STXBP6: variants seen among roughly 807,000 people sequenced by gnomAD.
STXBP6 encodes syntaxin-binding protein 6.
A neutral mutation model predicts 26.9 loss-of-function variants in STXBP6; 21 were observed. That is an observed-to-expected ratio of 0.78 (90% confidence interval 0.55 to 1.12). The LOEUF is 1.12. Ranked by LOEUF, STXBP6 falls within the 50% of genes most tolerant of loss-of-function variation. The probability of loss-of-function intolerance (pLI) is 0.00; values close to 1 mark genes in which losing one functional copy is unlikely to be tolerated. For missense variants in STXBP6, 232 were observed against 257.9 expected (o/e 0.90, Z 0.69); for synonymous variants, 97 against 92.6 (o/e 1.05, Z -0.27).
rs576381057 is a variant in STXBP6 at position 24,976,927 on chromosome 14, A to G, written c.-32-2077T>C. Among the ~76,000 whole-genome samples, 13 of 135,018 alleles carry G rather than the reference A, an allele frequency of 9.6e-5. No individual in the cohort carries two copies. In the South Asian group the frequency reaches 2.9e-3, roughly 30 times the overall value. The allele number at this position is 135,018 out of a possible 152,430, so 88.6% of individuals were successfully genotyped here. ...ACCCAGGCTGGAGTGCAGTGGTACA[A>G]TCTTGACTCACTGCAACCTCCACTT... On this transcript the variant is annotated intron_variant, in intron 1 of 5. Coordinates refer to ENST00000323944, the MANE Select transcript of STXBP6 (RefSeq NM_001394410.1).
chr14:25,009,390 T>C (rs1163875591), intron 1 of STXBP6, among the ~76,000 whole-genome samples: 3 of 152,192 alleles, frequency 2.0e-5, no homozygotes, highest in Non-Finnish European at 2.9e-5. Context: ...ATTTTCCTAC[T>C]TGCATCTCAA....
chr14:24,846,903 A>C (rs925918352), intron 4 of STXBP6, among the ~76,000 whole-genome samples: 1 of 152,188 alleles, frequency 6.6e-6, no homozygotes, highest in Admixed American at 6.5e-5. Context: ...TAATGTGAAC[A>C]AAAAAGACCA....
At chr14:24,981,011 A>G (rs1251978428) in intron 1 of STXBP6, among the ~76,000 whole-genome samples, 2 of 152,198 alleles carry the variant, frequency 1.3e-5, no homozygotes, top group East Asian at 3.8e-4. Context: ...CTGCTATACA[A>G]CCAGGTCCAG....
chr14:24,909,606 C>A (rs751095062), intron 2 of STXBP6, among the ~76,000 whole-genome samples: 2 of 151,836 alleles, frequency 1.3e-5, no homozygotes, highest in Non-Finnish European at 2.9e-5. Flanking sequence ...CATGGTGAAA[C>A]CCCAACTGTA....
chr14:24,900,547 T>A (rs1448455781), intron 2 of STXBP6, among the ~76,000 whole-genome samples: 2 of 152,210 alleles, frequency 1.3e-5, no homozygotes, highest in Non-Finnish European at 2.9e-5. Flanking sequence ...CAGATCTCTG[T>A]TGGGAGAGAA....
chr14:24,979,433 G>A (rs1566530559), intron 1 of STXBP6, among the ~76,000 whole-genome samples: 1 of 152,180 alleles, frequency 6.6e-6, no homozygotes, highest in Non-Finnish European at 1.5e-5. Flanking sequence ...ACTCTGGGGG[G>A]AAAATCAGCT....
chr14:24,877,870 C>A (rs1340383858), intron 2 of STXBP6, among the ~76,000 whole-genome samples: 1 of 152,162 alleles, frequency 6.6e-6, no homozygotes, highest in Non-Finnish European at 1.5e-5. Context: ...ATCTTGCACT[C>A]CCACCAGAAA....
chr14:24,870,180 A>T (rs2069876166), intron 2 of STXBP6, among the ~76,000 whole-genome samples: 1 of 152,098 alleles, frequency 6.6e-6, no homozygotes, highest in South Asian at 2.1e-4. Flanking sequence ...GTTTACTTTG[A>T]CTGGAATTTG....
At chr14:24,962,766 C>G (rs2140131334) in intron 2 of STXBP6, among the ~76,000 whole-genome samples, 1 of 152,200 alleles carries the variant, frequency 6.6e-6, no homozygotes, top group East Asian at 1.9e-4. Context: ...CATCCTACCA[C>G]TCACTAGCAG....
chr14:24,958,156 A>G (rs1017845093), intron 2 of STXBP6, among the ~76,000 whole-genome samples: 14 of 152,210 alleles, frequency 9.2e-5, no homozygotes, highest in African/African-American at 3.4e-4. Flanking sequence ...TTAGGCTAAA[A>G]ATAGAATAAT....
intron 1 of STXBP6, among the ~76,000 whole-genome samples, chr14:25,015,200 A>C (rs930317256): frequency 2.0e-5 from 3 of 152,186 alleles, no homozygotes; most frequent in African/African-American, 4.8e-5. Context: ...TTTTCTCTAC[A>C]AAATAAAAGA....
chr14:25,018,974 C>T (rs2075210939), intron 1 of STXBP6, among the ~76,000 whole-genome samples: 1 of 152,156 alleles, frequency 6.6e-6, no homozygotes, highest in South Asian at 2.1e-4. Context: ...TAACTCAATT[C>T]CTTTCTGCTC....
intron 1 of STXBP6, among the ~76,000 whole-genome samples, chr14:25,007,473 CCCA>C (rs2140360545): frequency 6.6e-6 from 1 of 152,222 alleles, no homozygotes; most frequent in South Asian, 2.1e-4. Flanking sequence ...AGTACAAGAC[CCCA>C]GGTCCTGACA....
chr14:24,846,421 C>A (rs2068963656), intron 4 of STXBP6, among the ~76,000 whole-genome samples: 1 of 152,080 alleles, frequency 6.6e-6, no homozygotes, highest in South Asian at 2.1e-4. Flanking sequence ...TTGAGATCTC[C>A]ATCTCAAATT....
At chr14:24,963,544 G>C (rs929970795) in intron 2 of STXBP6, among the ~76,000 whole-genome samples, 1 of 152,210 alleles carries the variant, frequency 6.6e-6, no homozygotes, top group Non-Finnish European at 1.5e-5. Flanking sequence ...AATCCTCAGA[G>C]AGGTTAACAC....
intron 1 of STXBP6, among the ~76,000 whole-genome samples, chr14:25,008,921 T>C (rs894944012): frequency 2.0e-5 from 3 of 152,164 alleles, no homozygotes; most frequent in African/African-American, 4.8e-5. Context: ...TCTTCACAAA[T>C]ACTGTGGTCA....
intron 1 of STXBP6, among the ~76,000 whole-genome samples, chr14:25,042,062 C>T (rs937352006): frequency 3.3e-5 from 5 of 152,168 alleles, no homozygotes; most frequent in African/African-American, 4.8e-5. Context: ...ACTATTTGTA[C>T]GTATTGTTTC....
intron 2 of STXBP6, among the ~76,000 whole-genome samples, chr14:24,963,905 G>A (rs1351083357): frequency 6.7e-6 from 1 of 148,174 alleles, no homozygotes; most frequent in African/African-American, 2.5e-5. Flanking sequence ...GTAACCTGAT[G>A]GATTCCAAGG....
intron 4 of STXBP6, among the ~76,000 whole-genome samples, chr14:24,838,143 T>C (rs1365158282): frequency 3.3e-5 from 5 of 152,210 alleles, no homozygotes; most frequent in African/African-American, 1.2e-4. Context: ...CCCAAGTAGC[T>C]GGGATTATAG....
Sources: gnomAD v4.1 joint callset for allele counts (sites outside exome capture counted in the v4.1 genomes callset) on GRCh38, gnomAD v4.1.1 for gene constraint, MANE v1.5 for transcripts, NCBI Gene and HGNC (gene_info 2026-07-23, HGNC 2026-07-21) for gene names.